The following GPC5 variants were observed in gnomAD, a reference collection of about 807,000 sequenced individuals.
GPC5 encodes glypican-5.
In GPC5, 47 loss-of-function variants were observed where a neutral mutation model predicts 53.9. The observed-to-expected ratio is 0.87, with a 90% CI of 0.69 to 1.11. The LOEUF (loss-of-function observed/expected upper bound fraction) is 1.11. Among genes scored for constraint, GPC5 ranks in the 50% most tolerant of loss-of-function variants. GPC5 has a pLI of 0.00. For synonymous variants in GPC5, 286 were observed against 263.3 expected (o/e 1.09, Z -0.84); for missense variants, 748 against 713.1 (o/e 1.05, Z -0.56).
chr13:91,861,875 G>C (rs1425564948), intron 5 of GPC5, among the ~76,000 whole-genome samples: 1 of 150,824 alleles, frequency 6.6e-6, no homozygotes, highest in African/African-American at 2.4e-5. Context: ...TCAATTTATA[G>C]TTAACTAATC....
intron 7 of GPC5, among the ~76,000 whole-genome samples, chr13:92,684,201 A>G (rs1328315715): frequency 6.6e-6 from 1 of 150,668 alleles, no homozygotes; most frequent in Non-Finnish European, 1.5e-5. Context: ...GGCTTCTTTC[A>G]CTCAGTATTA....
chr13:92,676,471 ATGC>A, intron 7 of GPC5, among the ~76,000 whole-genome samples: 1 of 152,196 alleles, frequency 6.6e-6, no homozygotes, highest in Non-Finnish European at 1.5e-5. Flanking sequence ...AAGTCAAAGA[ATGC>A]AATTCTTTTT....
chr13:92,764,271 G>T (rs1210921379), intron 7 of GPC5, among the ~76,000 whole-genome samples: 4 of 152,326 alleles, frequency 2.6e-5, no homozygotes, highest in Admixed American at 2.6e-4. Context: ...CTGGCTATCA[G>T]GCAGAGGTAG....
intron 3 of GPC5, among the ~76,000 whole-genome samples, chr13:91,698,437 A>G (rs1202948166): frequency 6.6e-6 from 1 of 152,206 alleles, no homozygotes; most frequent in Non-Finnish European, 1.5e-5. Context: ...GACAGTAAGC[A>G]TAGTAAATTT....
chr13:92,728,403 A>T (rs1465231531), intron 7 of GPC5, among the ~76,000 whole-genome samples: 2 of 151,488 alleles, frequency 1.3e-5, no homozygotes, highest in East Asian at 1.9e-4. Context: ...TTGAATGTTA[A>T]TTTTTTTGTG....
At chr13:92,034,559 A>T (rs2040878336) in intron 6 of GPC5, among the ~76,000 whole-genome samples, 1 of 152,208 alleles carries the variant, frequency 6.6e-6, no homozygotes, top group South Asian at 2.1e-4. Context: ...TTAATAAGAG[A>T]GTCATTTCTA....
At chr13:92,444,715 TAAA>T (rs71910602) in intron 7 of GPC5, among the ~76,000 whole-genome samples, 26,937 of 83,656 alleles carry the variant, frequency 0.32, 2,437 homozygotes, top group Non-Finnish European at 0.36. Flanking sequence ...TCCTGAAATC[TAAA>T]AAAAAAAAAA....
chr13:91,701,671 C>T (rs1387785106), intron 3 of GPC5, among the ~76,000 whole-genome samples: 7 of 151,942 alleles, frequency 4.6e-5, no homozygotes, highest in African/African-American at 1.7e-4. Context: ...GTATATATCT[C>T]ACATCTGCTT....
At chr13:91,968,084 C>T (rs1279286278) in intron 6 of GPC5, among the ~76,000 whole-genome samples, 1 of 152,030 alleles carries the variant, frequency 6.6e-6, no homozygotes, top group Non-Finnish European at 1.5e-5. Flanking sequence ...ATTTGTAGAA[C>T]ACATATTTTA....
intron 5 of GPC5, among the ~76,000 whole-genome samples, chr13:91,776,919 C>T (rs1406489324): frequency 6.6e-6 from 1 of 152,178 alleles, no homozygotes; most frequent in African/African-American, 2.4e-5. Flanking sequence ...AATCTCTCTC[C>T]ATAATCCTTC....
chr13:92,493,973 A>G (rs1451305966), intron 7 of GPC5, among the ~76,000 whole-genome samples: 1 of 152,226 alleles, frequency 6.6e-6, no homozygotes, highest in Non-Finnish European at 1.5e-5. Context: ...AAATACAAAA[A>G]TATAATTCAC....
intron 7 of GPC5, among the ~76,000 whole-genome samples, chr13:92,265,809 C>A (rs1283057329): frequency 6.6e-6 from 1 of 152,142 alleles, no homozygotes; most frequent in Non-Finnish European, 1.5e-5. Flanking sequence ...TAGAGAATAC[C>A]TCAGACCCTG....
At chr13:92,152,738 CAAAA>C (rs11285676) in intron 7 of GPC5, among the ~76,000 whole-genome samples, 2 of 107,024 alleles carry the variant, frequency 1.9e-5, no homozygotes, top group Admixed American at 9.3e-5. Flanking sequence ...GACTCCATCT[CAAAA>C]AAAAAAAAAA....
chr13:92,697,693 C>G (rs761711504), intron 7 of GPC5, among the ~76,000 whole-genome samples: 2 of 152,138 alleles, frequency 1.3e-5, no homozygotes, highest in Non-Finnish European at 2.9e-5. Flanking sequence ...TTATTTATTT[C>G]TCTTACCTGA....
Position 91,908,045 on chromosome 13 carries a change from G to A in GPC5, c.1389G>A (p.Lys463=), listed in dbSNP as rs772106337. The A allele has an allele frequency of 6.3e-7, 1 of 1,582,438 alleles. No individual in the cohort carries two copies. Among genetic ancestry groups the A allele is most frequent in the Non-Finnish European group, 8.5e-7 (1 of 1,171,400 alleles). Residue 463 remains lysine, a synonymous_variant, in exon 6 of 8, where the codon AAG becomes AAA. Transcript: ENST00000377067. ...PVINQIIDKL[K]HVVQLLQGRS... Reference sequence around the variant, plus strand: ...TAAATCAGATTATTGATAAACTGAAGCATGTTGTTCAGGTAAGTCCTGATC... The same window carrying A: ...TAAATCAGATTATTGATAAACTGAAACATGTTGTTCAGGTAAGTCCTGATC...
intron 7 of GPC5, among the ~76,000 whole-genome samples, chr13:92,507,451 T>C (rs1180833163): frequency 6.6e-6 from 1 of 152,218 alleles, no homozygotes; most frequent in Non-Finnish European, 1.5e-5. Flanking sequence ...TCTCTACAAA[T>C]ATTTTTTTCA....
At chr13:92,655,820 T>TA (rs995170661) in intron 7 of GPC5, among the ~76,000 whole-genome samples, 51 of 152,266 alleles carry the variant, frequency 3.3e-4, no homozygotes, top group South Asian at 2.1e-3. Context: ...TAAGCTTACT[T>TA]AAACTCTAAA....
At chr13:92,468,389 G>A (rs1432022206) in intron 7 of GPC5, among the ~76,000 whole-genome samples, 4 of 152,122 alleles carry the variant, frequency 2.6e-5, no homozygotes, top group African/African-American at 9.7e-5. Flanking sequence ...TTGGAATGCA[G>A]ATTTAGAGAG....
At chr13:92,115,763 G>A (rs1473914685) in intron 6 of GPC5, among the ~76,000 whole-genome samples, 1 of 152,098 alleles carries the variant, frequency 6.6e-6, no homozygotes, top group East Asian at 1.9e-4. Context: ...GCCAGTTTGA[G>A]GGCATTTAGG....
Sources: gnomAD v4.1 joint callset for allele counts (sites outside exome capture counted in the v4.1 genomes callset) on GRCh38, gnomAD v4.1.1 for gene constraint, MANE v1.5 for transcripts, NCBI Gene and HGNC (gene_info 2026-07-23, HGNC 2026-07-21) for gene names.